SCAPER: variants seen among roughly 807,000 people sequenced by gnomAD.
SCAPER encodes the protein S-phase cyclin A associated protein in the ER, also known as S phase cyclin A-associated protein in the endoplasmic reticulum.
In SCAPER, 98 loss-of-function variants were observed where a neutral mutation model predicts 182.2. That is an observed-to-expected ratio of 0.54 (90% confidence interval 0.46 to 0.64). The LOEUF is 0.64. SCAPER is among the 30% of genes least tolerant of loss of function. SCAPER has a pLI of 0.00. For missense variants in SCAPER, 1,432 were observed against 1,690.0 expected, an observed-to-expected ratio of 0.85 and a Z score of 2.68; for synonymous variants, 605 against 564.6, an observed-to-expected ratio of 1.07 and a Z score of -1.01.
chr15:76,816,338 A>G (rs1234474920), intron 5 of SCAPER, among the ~76,000 whole-genome samples: 1 of 152,148 alleles, frequency 6.6e-6, no homozygotes, highest in Non-Finnish European at 1.5e-5. Context: ...ACCTCATTCT[A>G]TAAGCTTTTT....
rs79434076 is a variant in SCAPER at position 76,348,514 on chromosome 15, C to A, written c.*119G>T. 1.6e-6 allele frequency: 1 copy of A among 624,950 alleles called. No individual in the cohort carries two copies. The highest frequency in any genetic ancestry group is 2.7e-6 in the Non-Finnish European group (1 of 364,312). The allele number at this position is 624,950 out of a possible 1,614,324, so 38.7% of individuals were successfully genotyped here. A position where few individuals can be genotyped will look rare whatever the true frequency, so the allele number is the denominator to read the frequency against. On this transcript the variant is annotated 3_prime_UTR_variant, in exon 32 of 32. Transcript: ENST00000563290. ...AAATAGTGTAAAGTACATGCCATAT[C>A]TACAGTGTGGGAAGAGTATAAACAT...
chr15:76,520,216 T>G (rs2042736672), intron 23 of SCAPER, among the ~76,000 whole-genome samples: 1 of 152,140 alleles, frequency 6.6e-6, no homozygotes, highest in African/African-American at 2.4e-5. Context: ...TCTTTTGTTT[T>G]TTTGTTTTTG....
intron 27 of SCAPER, among the ~76,000 whole-genome samples, chr15:76,386,355 A>G (rs2043286332): frequency 6.6e-6 from 1 of 152,228 alleles, no homozygotes; most frequent in Non-Finnish European, 1.5e-5. Flanking sequence ...CTAGTCATTC[A>G]TGATTCATTC....
intron 1 of SCAPER, among the ~76,000 whole-genome samples, chr15:76,898,143 C>A (rs1292368282): frequency 6.6e-6 from 1 of 152,104 alleles, no homozygotes; most frequent in Non-Finnish European, 1.5e-5. Context: ...GGCTAACAAG[C>A]CTATGAAAAC....
rs560105391 is a variant in SCAPER, at chr15:76,419,244, G to A, written c.3312-14565C>T. Among the ~76,000 whole-genome samples the A allele has an allele frequency of 7.9e-5, 12 of 151,292 alleles. No homozygotes were observed. The South Asian group carries it at 2.1e-3, about 26-fold the overall frequency. On this transcript the variant is annotated intron_variant, in intron 26 of 31. Transcript: ENST00000563290. ...CCCACCTACAGGTGGCAGGAGAATCGCTTGAACCCAGGAGGCGGAGGCTGT... is the reference window on the plus strand; with the variant it reads ...CCCACCTACAGGTGGCAGGAGAATCACTTGAACCCAGGAGGCGGAGGCTGT...
intron 4 of SCAPER, 23 bp downstream of exon 4, chr15:76,857,786 T>TA (rs1284461446): frequency 7.0e-7 from 1 of 1,419,950 alleles, no homozygotes. Flanking sequence ...AGTAAATAAG[T>TA]AAAAAAGTTA....
chr15:76,876,069 C>T (rs2073135321), intron 2 of SCAPER, among the ~76,000 whole-genome samples: 1 of 152,210 alleles, frequency 6.6e-6, no homozygotes, highest in South Asian at 2.1e-4. Context: ...GCTGCTGGCC[C>T]AGGTGCTAAG....
At chr15:76,842,086 C>T (rs1294993071) in intron 4 of SCAPER, among the ~76,000 whole-genome samples, 155 bp from the exon 5 acceptor site, 6 of 152,160 alleles carry the variant, frequency 3.9e-5, no homozygotes, top group Non-Finnish European at 7.4e-5. Flanking sequence ...TATCATTATT[C>T]TCTAAACAAT....
At chr15:76,422,298 G>A (rs1279734586) in intron 26 of SCAPER, among the ~76,000 whole-genome samples, 1 of 152,148 alleles carries the variant, frequency 6.6e-6, no homozygotes, top group Non-Finnish European at 1.5e-5. Context: ...ATTTCATTGA[G>A]CAGTGATTTG....
At chr15:76,397,008 T>C (rs1432902149) in intron 27 of SCAPER, among the ~76,000 whole-genome samples, 3 of 95,252 alleles carry the variant, frequency 3.1e-5, no homozygotes, top group African/African-American at 1.5e-4. Context: ...TTTTTGAGAG[T>C]TTTTTTTTTT....
chr15:76,873,363 C>A (rs1295740909), intron 2 of SCAPER, among the ~76,000 whole-genome samples: 37 of 145,206 alleles, frequency 2.5e-4, no homozygotes, highest in African/African-American at 4.5e-4. Flanking sequence ...GGCAGGCAGG[C>A]AGGCAGGCAG....
intron 3 of SCAPER, 45 bp downstream of exon 3, chr15:76,862,371 C>A: frequency 8.0e-7 from 1 of 1,248,642 alleles, no homozygotes. Flanking sequence ...TAAATACACC[C>A]TCCTTATTTA....
intron 22 of SCAPER, among the ~76,000 whole-genome samples, chr15:76,604,816 G>T (rs565215189): frequency 7.9e-4 from 120 of 151,338 alleles, no homozygotes; most frequent in African/African-American, 2.7e-3. Context: ...CTCATGATTT[G>T]GCTCTCTGTT....
intron 21 of SCAPER, among the ~76,000 whole-genome samples, chr15:76,657,990 C>T (rs887218316): frequency 6.6e-6 from 1 of 152,022 alleles, no homozygotes; most frequent in African/African-American, 2.4e-5. Flanking sequence ...GAAGCACTGC[C>T]CTTGAGAAAT....
At chr15:76,383,842 T>C (rs2043123890) in intron 27 of SCAPER, among the ~76,000 whole-genome samples, 1 of 152,228 alleles carries the variant, frequency 6.6e-6, no homozygotes, top group East Asian at 1.9e-4. Context: ...AATTTTGTGA[T>C]TAAGTAAATA....
At chr15:76,511,843 A>ATATGTGTGTGTGTGTGTGTGTGTG (rs151255382) in intron 23 of SCAPER, among the ~76,000 whole-genome samples, 11 of 123,294 alleles carry the variant, frequency 8.9e-5, no homozygotes, top group African/African-American at 3.4e-4. Context: ...ATATATATAT[A>ATATGTGTGTGTGTGTGTGTGTGTG]TGTGTGTGTG....
intron 17 of SCAPER, among the ~76,000 whole-genome samples, chr15:76,722,502 G>T (rs913903596): frequency 2.0e-5 from 3 of 152,176 alleles, no homozygotes; most frequent in African/African-American, 7.2e-5. Context: ...AGAAGGAATG[G>T]TACCAGCTCC....
At chr15:76,427,567 T>A (rs570889541) in intron 26 of SCAPER, among the ~76,000 whole-genome samples, 1 of 152,224 alleles carries the variant, frequency 6.6e-6, no homozygotes, top group African/African-American at 2.4e-5. Flanking sequence ...AAGAAGATGC[T>A]GGGTACAGTC....
intron 3 of SCAPER, among the ~76,000 whole-genome samples, chr15:76,861,364 A>G (rs2071849021): frequency 1.3e-5 from 2 of 152,204 alleles, no homozygotes; most frequent in South Asian, 4.1e-4. Context: ...GTTATCACGA[A>G]CCTCCTCTGA....
Sources: allele counts gnomAD v4.1 joint callset (sites outside exome capture counted in the v4.1 genomes callset), GRCh38; gene constraint gnomAD v4.1.1; transcripts MANE v1.5; gene names NCBI Gene and HGNC (gene_info 2026-07-23, HGNC 2026-07-21).